Variants in COL4A3 observed in about 807,000 individuals in gnomAD.
The protein encoded by COL4A3 is collagen alpha-3(IV) chain.
Under a neutral mutation model 217.4 loss-of-function variants are expected in COL4A3, and 135 were observed. The ratio of observed to expected loss-of-function variants is 0.62; its 90% CI spans 0.54 to 0.72. The LOEUF is 0.72. COL4A3 is among the 30% of genes least tolerant of loss of function. The probability of loss-of-function intolerance (pLI) is 0.00; values close to 1 mark genes in which losing one functional copy is unlikely to be tolerated. For missense variants in COL4A3, 1,868 were observed against 2,119.9 expected, an observed-to-expected ratio of 0.88 and a Z score of 2.33; for synonymous variants, 690 against 736.3, an observed-to-expected ratio of 0.94 and a Z score of 1.02.
At chr2:227,190,823 C>CT (rs1401440067) in intron 1 of COL4A3, among the ~76,000 whole-genome samples, 1 of 152,172 alleles carries the variant, frequency 6.6e-6, no homozygotes, top group Admixed American at 6.5e-5. Context: ...GGGAGGATCG[C>CT]TTGACACCAA....
rs551413560 is a variant in COL4A3 at position 227,312,230 on chromosome 2, T to C, written c.*360T>C. 1.2e-4 allele frequency: 36 copies of C among 291,648 alleles called. No individual in the cohort carries two copies. Among genetic ancestry groups the C allele is most frequent in the African/African-American group, 7.8e-4 (35 of 45,050 alleles). 18.1% of individuals were successfully genotyped at this position (291,648 alleles called of 1,614,324 possible). On this transcript the variant is annotated 3_prime_UTR_variant, in exon 52 of 52. Coordinates refer to ENST00000396578, the MANE Select transcript of COL4A3 (RefSeq NM_000091.5). ...GCTGGATTCCCACATTTGTCTTCTT[T>C]CTGTCTTTAAGACTCAGGGAGGCTA...
In COL4A3 at chr2:227,253,992, G is replaced by C. The variant is rs571700370; in HGVS notation, c.766-120G>C. On this transcript the variant is annotated intron_variant, in intron 13 of 51. Coordinates refer to ENST00000396578, the MANE Select transcript of COL4A3 (RefSeq NM_000091.5). This position sits in a 1 kb window ranked among gnomAD's most constrained non-coding sequence, Gnocchi z 4.4. ...AAGGTGTATTGGGTTGTGTTAACAC[G>C]AGGCACATTCATAGTTTGTAAACCC... 1.1e-6 allele frequency: 1 copy of C among 927,836 alleles called. No homozygotes were observed. Among genetic ancestry groups the C allele is most frequent in the South Asian group, 1.4e-5 (1 of 74,062 alleles). The allele number at this position is 927,836 out of a possible 1,614,324, so 57.5% of individuals were successfully genotyped here.
Position 227,259,964 on chromosome 2 carries a change from G to T in COL4A3, c.1114+87G>T. 4 of 958,656 alleles carry T rather than the reference G, an allele frequency of 4.2e-6. No individual in the cohort carries two copies. The Admixed American group carries it at 6.8e-5, about 16-fold the overall frequency. The allele number at this position is 958,656 out of a possible 1,614,324, so 59.4% of individuals were successfully genotyped here. A position where few individuals can be genotyped will look rare whatever the true frequency, so the allele number is the denominator to read the frequency against. ...ATAAATAGCATGTGCTTATGGAATT[G>T]ACATGGGTGAGGAAAGGGAACAGAG... On this transcript the variant is annotated intron_variant, in intron 19 of 51. Transcript: ENST00000396578.
chr2:227,253,162 G>A lies in COL4A3; in HGVS notation c.646-134G>A. On this transcript the variant is annotated intron_variant, in intron 11 of 51. Coordinates refer to ENST00000396578, the MANE Select transcript of COL4A3 (RefSeq NM_000091.5). The surrounding 1 kb of genome is among the most constrained non-coding windows in gnomAD (Gnocchi z 4.4). ...TATCAATGCTCTTCTCTAAGAAATA[G>A]CTAAAATATGTATCATTCTAAAATG... 1 of 763,740 alleles carries A rather than the reference G, an allele frequency of 1.3e-6. No homozygotes were observed. The highest frequency in any genetic ancestry group is 2.4e-5 in the Admixed American group (1 of 41,240). The allele number at this position is 763,740 out of a possible 1,614,324, so 47.3% of individuals were successfully genotyped here.
intron 1 of COL4A3, among the ~76,000 whole-genome samples, chr2:227,232,474 T>C (rs10084186): frequency 0.32 from 48,598 of 151,954 alleles, 8,181 homozygotes; most frequent in Non-Finnish European, 0.36. Context: ...GTTGTACTAA[T>C]TTACATTCCC....
In COL4A3 at chr2:227,246,678, C is replaced by T. The variant is rs1364711313; in HGVS notation, c.388-7C>T. ...AAGAATAATAAGAAACTTTGTATGT[C>T]TTTTAGGGTGAGCAGGGGTTTCCAG... is the stretch of plus-strand genomic sequence containing the variant. On this transcript the variant is annotated splice_polypyrimidine_tract_variant and splice_region_variant and intron_variant, in intron 6 of 51. Coordinates refer to ENST00000396578, the MANE Select transcript of COL4A3 (RefSeq NM_000091.5). 9 of 1,609,314 alleles carry T rather than the reference C, an allele frequency of 5.6e-6. No homozygotes were observed. Among genetic ancestry groups the T allele is most frequent in the Non-Finnish European group, 7.7e-6 (9 of 1,176,028 alleles).
intron 1 of COL4A3, among the ~76,000 whole-genome samples, chr2:227,181,343 G>C (rs989928694): frequency 2.6e-5 from 4 of 152,128 alleles, no homozygotes; most frequent in Non-Finnish European, 4.4e-5. Context: ...CATTTACCGA[G>C]CACTTATGTG....
Position 227,303,090 on chromosome 2 carries a change from A to G in COL4A3, c.3935A>G (p.Gln1312Arg). The G allele has an allele frequency of 6.2e-7, 1 of 1,613,912 alleles. No homozygotes were observed. The highest frequency in any genetic ancestry group is 1.1e-5 in the South Asian group (1 of 91,082). The change falls in exon 44 of 52, where the codon CAG becomes CGG. Residue 1312 changes from glutamine to arginine, a missense_variant. Coordinates refer to ENST00000396578, the MANE Select transcript of COL4A3 (RefSeq NM_000091.5). ...GGACCCAGAGGTGATCCTGGATTCC[A>G]GGGGTTTCCAGGCGTGAAAGGTACT... ...LPGPRGDPGFQGFPGVKGEKG... is the reference protein window; with the variant it reads ...LPGPRGDPGFRGFPGVKGEKG...
intron 37 of COL4A3, among the ~76,000 whole-genome samples, chr2:227,292,211 C>T (rs1012604431): frequency 1.3e-5 from 2 of 151,988 alleles, no homozygotes; most frequent in African/African-American, 4.8e-5. Context: ...ATATTTCCAC[C>T]AGCTATAGTC....
rs7593281 is a variant in COL4A3, at chr2:227,289,379, C to T, written c.2980+131C>T. The T allele has an allele frequency of 0.87, 683,494 of 789,314 alleles. 298,794 individuals are homozygous for T. The highest frequency in any genetic ancestry group is 0.91 in the Non-Finnish European group (426,434 of 469,788). 48.9% of individuals were successfully genotyped at this position (789,314 alleles called of 1,614,324 possible). On this transcript the variant is annotated intron_variant, in intron 35 of 51. Coordinates refer to ENST00000396578, the MANE Select transcript of COL4A3 (RefSeq NM_000091.5). ...CTGATAGTGTTCCAGCAGAAATTTG[C>T]TACTAAATTAACTAAAAGAAGGTGT...
intron 23 of COL4A3, chr2:227,268,717 A>G (rs1211859887): frequency 6.6e-6 from 1 of 152,220 alleles, no homozygotes. Context: ...GGGAGGTAGG[A>G]GCTGTTCCTC....
intron 38 of COL4A3, 42 bp from the exon 39 acceptor site, chr2:227,294,448 T>A (rs551986364): frequency 8.2e-7 from 1 of 1,217,394 alleles, no homozygotes; most frequent in Non-Finnish European, 1.2e-6. Flanking sequence ...TCATTTATCT[T>A]TTGGTGATCT....
intron 43 of COL4A3, among the ~76,000 whole-genome samples, chr2:227,299,256 G>A (rs569056402): frequency 3.3e-5 from 5 of 152,338 alleles, no homozygotes; most frequent in South Asian, 4.1e-4. Flanking sequence ...TTAGCTGGGC[G>A]TGGAGGCAGG....
chr2:227,249,230 A>ATATATATATATATATATATATATT, intron 9 of COL4A3, among the ~76,000 whole-genome samples: 1 of 14,690 alleles, frequency 6.8e-5, no homozygotes, highest in Non-Finnish European at 1.2e-4. Context: ...ATATATATAT[A>ATATATATATATATATATATATATT]TTTTTTTTTT....
chr2:227,218,070 ATATATATAGC>A (rs201917439), intron 1 of COL4A3, among the ~76,000 whole-genome samples: 2,862 of 86,312 alleles, frequency 0.033, 83 homozygotes, highest in African/African-American at 0.097. Context: ...TAAAATAACT[ATATATATAGC>A]TATATATATA....
intron 1 of COL4A3, among the ~76,000 whole-genome samples, chr2:227,169,075 G>A (rs1200424889): frequency 1.0e-3 from 137 of 136,236 alleles, no homozygotes; most frequent in Non-Finnish European, 1.4e-3. Flanking sequence ...AGAGTGTGAT[G>A]TTCCCCTTCC....
At chr2:227,291,567 A>C (rs536415374) in intron 37 of COL4A3, among the ~76,000 whole-genome samples, 117 of 28,384 alleles carry the variant, frequency 4.1e-3, no homozygotes, top group African/African-American at 0.016. Flanking sequence ...CGTCTCAAAA[A>C]AAAAAAAAAA....
At chr2:227,228,876 G>A (rs2068238719) in intron 1 of COL4A3, among the ~76,000 whole-genome samples, 1 of 152,130 alleles carries the variant, frequency 6.6e-6, no homozygotes, top group Non-Finnish European at 1.5e-5. Flanking sequence ...CCTCAACTCA[G>A]GAGCACCTAA....
At chr2:227,245,269 C>G (rs543652853) in intron 5 of COL4A3, among the ~76,000 whole-genome samples, 1 of 151,494 alleles carries the variant, frequency 6.6e-6, no homozygotes, top group African/African-American at 2.4e-5. Context: ...GATTCCACAT[C>G]CATGGATTCA....
Sources: allele counts gnomAD v4.1 joint callset (sites outside exome capture counted in the v4.1 genomes callset), GRCh38; gene constraint gnomAD v4.1.1; non-coding constraint Gnocchi (gnomAD v3.1); transcripts MANE v1.5; gene names NCBI Gene and HGNC (gene_info 2026-07-23, HGNC 2026-07-21).